ARMC3: variants seen among roughly 807,000 people sequenced by gnomAD.
ARMC3 encodes the protein armadillo repeat-containing protein 3.
In ARMC3, 74 loss-of-function variants were observed where a neutral mutation model predicts 90.3. The observed-to-expected ratio is 0.82, with a 90% CI of 0.68 to 0.99. The LOEUF is 0.99. Ranked by LOEUF, ARMC3 falls within the 50% of genes least tolerant of loss-of-function variation. ARMC3 has a pLI of 0.00. For missense variants in ARMC3, 958 were observed against 1,042.8 expected, an observed-to-expected ratio of 0.92 and a Z score of 1.12; for synonymous variants, 334 against 361.8, an observed-to-expected ratio of 0.92 and a Z score of 0.87.
Position 22,959,091 on chromosome 10 carries a change from G to C in ARMC3, c.314G>C (p.Arg105Thr). 6.2e-7 allele frequency: 1 copy of C among 1,611,936 alleles called. No homozygotes were observed. Among genetic ancestry groups the C allele is most frequent in the Non-Finnish European group, 8.5e-7 (1 of 1,178,062 alleles). Residue 105 changes from arginine (R) to threonine (T), a missense_variant, in exon 5 of 19, where the codon AGG (arginine) becomes ACG (threonine). Transcript: ENST00000298032. ...GTAGATGATGTTAAAAAATTGTTAA[G>C]GGAGTTAGATGTCATGAATTCTGTC... ...ASNNDVKKLL[R>T]ELDVMNSVIA...
chr10:22,971,857 T>C (rs1835697739), intron 8 of ARMC3, among the ~76,000 whole-genome samples: 1 of 152,180 alleles, frequency 6.6e-6, no homozygotes, highest in South Asian at 2.1e-4. Context: ...GGCCCACACT[T>C]GCTATTTTCT....
intron 13 of ARMC3, among the ~76,000 whole-genome samples, chr10:23,006,047 G>A (rs1837595753): frequency 6.6e-6 from 1 of 152,144 alleles, no homozygotes; most frequent in Non-Finnish European, 1.5e-5. Context: ...CTTGCAGCAG[G>A]TGAGGACCTT....
At chr10:22,989,802 T>G (rs1430732435) in intron 10 of ARMC3, among the ~76,000 whole-genome samples, 1 of 152,222 alleles carries the variant, frequency 6.6e-6, no homozygotes, top group East Asian at 1.9e-4. Context: ...GATTCCTCCC[T>G]GTCTGATGGA....
At chr10:22,937,064 G>A (rs1039487812) in intron 2 of ARMC3, among the ~76,000 whole-genome samples, 20 of 152,002 alleles carry the variant, frequency 1.3e-4, no homozygotes, top group African/African-American at 4.3e-4. Context: ...CGCCATACCC[G>A]GCTAATTTTT....
intron 8 of ARMC3, among the ~76,000 whole-genome samples, chr10:22,970,634 G>A (rs1343344164): frequency 1.3e-5 from 2 of 152,216 alleles, no homozygotes; most frequent in East Asian, 3.9e-4. Context: ...GAGATGTGAA[G>A]GTGCCCTGAA....
At chr10:23,027,478 G>T (rs1358365288) in intron 16 of ARMC3, among the ~76,000 whole-genome samples, 4 of 152,128 alleles carry the variant, frequency 2.6e-5, no homozygotes, top group Admixed American at 2.6e-4. Flanking sequence ...GTTTTTGTGT[G>T]TTGATCTTAT....
Position 22,935,847 on chromosome 10 carries a change from C to T in ARMC3, c.48+3803C>T, listed in dbSNP as rs529027677. 1.0e-3 allele frequency among the ~76,000 whole-genome samples: 157 copies of T among 152,072 alleles called. 1 individual carries two copies. The highest frequency in any genetic ancestry group is 3.4e-3 in the Middle Eastern group (1 of 294). On this transcript the variant is annotated intron_variant, in intron 2 of 18. Coordinates refer to ENST00000298032, the MANE Select transcript of ARMC3 (RefSeq NM_173081.5). Reference sequence around the variant, plus strand: ...CTTTAGACATTTTAGCAAATTTTTCCGGATGTCTAGATATTCTCTATTGAA... The same window carrying T: ...CTTTAGACATTTTAGCAAATTTTTCTGGATGTCTAGATATTCTCTATTGAA...
intron 10 of ARMC3, among the ~76,000 whole-genome samples, chr10:22,985,982 G>A (rs933436119): frequency 6.6e-6 from 1 of 151,948 alleles, no homozygotes; most frequent in Non-Finnish European, 1.5e-5. Context: ...CTCCACACAT[G>A]CATATTTTCA....
intron 13 of ARMC3, among the ~76,000 whole-genome samples, chr10:23,003,803 C>T (rs1837441935): frequency 6.6e-6 from 1 of 150,994 alleles, no homozygotes; most frequent in African/African-American, 2.4e-5. Context: ...TGTGAATAGA[C>T]ATTGCACTCC....
chr10:22,931,971 A>G, intron 1 of ARMC3, 25 bp from the exon 2 acceptor site: 28 of 1,587,188 alleles, frequency 1.8e-5, no homozygotes, highest in Non-Finnish European at 2.3e-5. Context: ...ATGTCACTTT[A>G]ACCATATATT....
At chr10:23,034,004 T>A (rs1389373476) in intron 18 of ARMC3, among the ~76,000 whole-genome samples, 1 of 152,182 alleles carries the variant, frequency 6.6e-6, no homozygotes, top group East Asian at 1.9e-4. Context: ...AACTATAGAC[T>A]AAATGCATAA....
At position 22,959,407 on chromosome 10, in the gene ARMC3, G is replaced by C. The variant is rs774009631; in HGVS notation, c.370G>C (p.Val124Leu). 35 of 1,602,630 alleles carry C rather than the reference G, an allele frequency of 2.2e-5. No individual in the cohort carries two copies. The highest frequency in any genetic ancestry group is 2.8e-5 in the Non-Finnish European group (33 of 1,176,742). Reference sequence around the variant, plus strand: ...TTATTTTTGATACACAGAAGAAGTAGTTATCCATGAGTTTGCTAGTCTTTG... The same window carrying C: ...TTATTTTTGATACACAGAAGAAGTACTTATCCATGAGTTTGCTAGTCTTTG... ...IAQLAPEEEVVIHEFASLCLA... is the reference protein window; with the variant it reads ...IAQLAPEEEVLIHEFASLCLA... The change falls in exon 6 of 19, where the codon GTT becomes CTT. Residue 124 changes from valine (V) to leucine (L), a missense_variant. Coordinates refer to ENST00000298032, the MANE Select transcript of ARMC3 (RefSeq NM_173081.5).
intron 16 of ARMC3, among the ~76,000 whole-genome samples, chr10:23,028,542 A>T (rs10128359): frequency 0.12 from 18,178 of 152,164 alleles, 1,559 homozygotes; most frequent in African/African-American, 0.24. Context: ...ATAAGTCCTA[A>T]GAGTCTTATT....
At chr10:23,011,745 T>A (rs1356184299) in intron 16 of ARMC3, among the ~76,000 whole-genome samples, 1 of 152,208 alleles carries the variant, frequency 6.6e-6, no homozygotes, top group Non-Finnish European at 1.5e-5. Context: ...GGACCAAATC[T>A]GGCCCCAATT....
At chr10:23,029,794 T>G (rs1259109740) in intron 16 of ARMC3, among the ~76,000 whole-genome samples, 1 of 152,230 alleles carries the variant, frequency 6.6e-6, no homozygotes, top group Non-Finnish European at 1.5e-5. Context: ...TACATTTCTC[T>G]AGATAAACCT....
chr10:23,032,761 A>T, intron 17 of ARMC3, 100 bp from the exon 18 acceptor site: 1 of 1,238,046 alleles, frequency 8.1e-7, no homozygotes, highest in African/African-American at 1.5e-5. Context: ...AAATCACAGC[A>T]AATGTCATTT....
At chr10:22,962,480 C>G (rs1395749344) in intron 7 of ARMC3, among the ~76,000 whole-genome samples, 2 of 152,194 alleles carry the variant, frequency 1.3e-5, no homozygotes, top group Non-Finnish European at 2.9e-5. Context: ...TTAAGAATGT[C>G]TGTGCCTTCT....
chr10:23,000,626 A>G (rs533934650), intron 11 of ARMC3, among the ~76,000 whole-genome samples: 13 of 152,254 alleles, frequency 8.5e-5, no homozygotes, highest in Non-Finnish European at 1.8e-4. Flanking sequence ...ATCTTTGCCT[A>G]AAGGACATGT....
chr10:23,003,427 A>G lies in ARMC3; in HGVS notation c.1731+13A>G, dbSNP rs759107421. On this transcript the variant is annotated intron_variant, in intron 13 of 18. Transcript: ENST00000298032. ...TGATTATGGTCGGGTAAGTGACAGC[A>G]TTTATTTGTAGTTTAGTATGTACAA... 4.4e-6 allele frequency: 7 copies of G among 1,576,330 alleles called. No homozygotes were observed. The African/African-American group carries it at 6.8e-5, about 15-fold the overall frequency.
Sources: gnomAD v4.1 joint callset for allele counts (sites outside exome capture counted in the v4.1 genomes callset) on GRCh38, gnomAD v4.1.1 for gene constraint, MANE v1.5 for transcripts, NCBI Gene and HGNC (gene_info 2026-07-23, HGNC 2026-07-21) for gene names.